The following POGZ variants were observed in gnomAD, a reference collection of about 807,000 sequenced individuals.
POGZ encodes the protein pogo transposable element derived with ZNF domain.
A neutral mutation model predicts 134.6 loss-of-function variants in POGZ; 17 were observed. That is an observed-to-expected ratio of 0.13 (90% CI 0.09 to 0.19). POGZ has a LOEUF of 0.19. Ranked by LOEUF, POGZ falls within the 10% of genes least tolerant of loss-of-function variation. The probability of loss-of-function intolerance (pLI) is 1.00; values close to 1 mark genes in which losing one functional copy is unlikely to be tolerated. For synonymous variants in POGZ, 693 were observed against 657.1 expected, an observed-to-expected ratio of 1.05 and a Z score of -0.84; for missense variants, 1,306 against 1,769.7, an observed-to-expected ratio of 0.74 and a Z score of 4.70.
chr1:151,437,050 C>T (rs946075069), intron 3 of POGZ, among the ~76,000 whole-genome samples: 2 of 151,928 alleles, frequency 1.3e-5, no homozygotes, highest in Non-Finnish European at 2.9e-5. Context: ...AAAAGTTAGC[C>T]GGGTGTGGTG....
At chr1:151,453,428 A>T (rs1040219094) in intron 1 of POGZ, among the ~76,000 whole-genome samples, 1 of 151,886 alleles carries the variant, frequency 6.6e-6, no homozygotes, top group African/African-American at 2.4e-5. Context: ...GCTTGTATAT[A>T]TACATTTCTC....
At chr1:151,419,683 A>C (rs1571406822) in intron 10 of POGZ, among the ~76,000 whole-genome samples, 1 of 148,300 alleles carries the variant, frequency 6.7e-6, no homozygotes, top group South Asian at 2.1e-4. Context: ...AAAAAAAAAA[A>C]AAAAAAAAAA....
intron 1 of POGZ, among the ~76,000 whole-genome samples, chr1:151,447,144 G>A (rs1571564857): frequency 1.3e-5 from 2 of 152,016 alleles, no homozygotes; most frequent in Admixed American, 6.5e-5. Context: ...CTAGCACTTC[G>A]GGAGGCTAAG....
rs1557873791 is a variant in POGZ at position 151,408,734 on chromosome 1, C to T, written c.2021G>A (p.Arg674His). Residue 674 changes from arginine to histidine, a missense_variant, in exon 13 of 19, where the codon CGT becomes CAT. This residue lies in a region of POGZ where 149 missense variants were observed against 237.5 expected (regional missense o/e 0.63). Transcript: ENST00000271715. ...CAAGCCCTCCAGCTGCTTGGGTTTA[C>T]GGAAGGTTTTATGGTGTTGAAGCTT... ...EHKLQHHKTF[R>H]KPKQLEGLKP... is the part of the protein sequence containing the mutation. The T allele has an allele frequency of 5.6e-6, 9 of 1,614,026 alleles. No individual in the cohort carries two copies. Among genetic ancestry groups the T allele is most frequent in the East Asian group, 2.2e-5 (1 of 44,884 alleles).
At chr1:151,454,218 C>T (rs1662495879) in intron 1 of POGZ, among the ~76,000 whole-genome samples, 1 of 152,114 alleles carries the variant, frequency 6.6e-6, no homozygotes, top group South Asian at 2.1e-4. Flanking sequence ...AGAAAACAAA[C>T]ATTTTAAGAA....
chr1:151,452,767 G>A (rs1003771616), intron 1 of POGZ, among the ~76,000 whole-genome samples: 1 of 151,664 alleles, frequency 6.6e-6, no homozygotes, highest in Admixed American at 6.7e-5. Context: ...GGAAGGCTGA[G>A]GCAGGATAAT....
chr1:151,449,921 T>C (rs1391144136), intron 1 of POGZ, among the ~76,000 whole-genome samples: 11 of 152,078 alleles, frequency 7.2e-5, no homozygotes, highest in East Asian at 1.9e-4. Context: ...AAGGTTCTTA[T>C]GAATTATTCA....
At chr1:151,437,396 T>G (rs1024702811) in intron 3 of POGZ, among the ~76,000 whole-genome samples, 1 of 152,210 alleles carries the variant, frequency 6.6e-6, no homozygotes, top group Admixed American at 6.5e-5. Flanking sequence ...TTTTTTTAAT[T>G]TTAAATTTCT....
chr1:151,434,293 T>C (rs1659215458), intron 3 of POGZ, among the ~76,000 whole-genome samples: 1 of 151,976 alleles, frequency 6.6e-6, no homozygotes, highest in African/African-American at 2.4e-5. Flanking sequence ...GGCAACAGTG[T>C]GAGTCTCAGT....
chr1:151,437,254 T>C (rs1015568052), intron 3 of POGZ, among the ~76,000 whole-genome samples: 3 of 151,942 alleles, frequency 2.0e-5, no homozygotes, highest in African/African-American at 7.3e-5. Flanking sequence ...AGTTTGTGGT[T>C]TGTCTTCTCC....
intron 15 of POGZ, 32 bp from the exon 16 acceptor site, chr1:151,407,323 G>T: frequency 6.6e-7 from 1 of 1,519,332 alleles, no homozygotes; most frequent in Non-Finnish European, 9.1e-7. Context: ...TATGAGTTAC[G>T]GAGTTCTGCT....
intron 1 of POGZ, among the ~76,000 whole-genome samples, chr1:151,446,382 A>G (rs1459600076): frequency 6.6e-6 from 1 of 151,852 alleles, no homozygotes; most frequent in Non-Finnish European, 1.5e-5. Flanking sequence ...TTAATTTCTC[A>G]TTTTTTATTT....
chr1:151,431,966 C>T (rs899092411), intron 3 of POGZ, among the ~76,000 whole-genome samples: 6 of 152,062 alleles, frequency 3.9e-5, no homozygotes, highest in African/African-American at 1.4e-4. Flanking sequence ...GCCAGGAGCT[C>T]AAGACCAGCC....
At chr1:151,450,252 G>C (rs1290949189) in intron 1 of POGZ, among the ~76,000 whole-genome samples, 2 of 151,800 alleles carry the variant, frequency 1.3e-5, no homozygotes, top group Non-Finnish European at 2.9e-5. Flanking sequence ...GGCTGGTCTT[G>C]AACTCCTGAC....
Position 151,426,224 on chromosome 1 carries a change from T to C in POGZ, c.1079-1163A>G, listed in dbSNP as rs370663395. 7.2e-3 allele frequency: 1,092 copies of C among 152,036 alleles called. 18 individuals carry two copies. The highest frequency in any genetic ancestry group is 0.025 in the African/African-American group (1,044 of 41,428). 9.4% of individuals were successfully genotyped at this position (152,036 alleles called of 1,614,324 possible). On this transcript the variant is annotated intron_variant, in intron 7 of 18. Transcript: ENST00000271715. ...TTTTTTGAGATGGGGTCTTTCTCTGTTGCCCAGACTGGAGTGCAGTGGCAC... is the reference window on the plus strand; with the variant it reads ...TTTTTTGAGATGGGGTCTTTCTCTGCTGCCCAGACTGGAGTGCAGTGGCAC...
rs1658128421 is a variant in POGZ, at chr1:151,428,403, G to C, written c.579C>G (p.Thr193=). ...CTCCAACTGTCGGCTTAACAAACTG[G>C]GTACCTGGGGCTTTAAAAGAGAGAC... is the stretch of plus-strand genomic sequence containing the variant. ...RPITLVPAPG[T]QFVKPTVGVP... Residue 193 remains threonine, a synonymous_variant, in exon 6 of 19, where the codon ACC becomes ACG. Coordinates refer to ENST00000271715, the MANE Select transcript of POGZ (RefSeq NM_015100.4). The C allele has an allele frequency of 4.3e-6, 7 of 1,613,310 alleles. No individual in the cohort carries two copies. Among genetic ancestry groups the C allele is most frequent in the Non-Finnish European group, 5.9e-6 (7 of 1,179,416 alleles).
Position 151,405,217 on chromosome 1 carries a change from T to C in POGZ, c.3818A>G (p.Lys1273Arg), listed in dbSNP as rs562919841. 2 of 1,614,186 alleles carry C rather than the reference T, an allele frequency of 1.2e-6. No individual in the cohort carries two copies. Among genetic ancestry groups the C allele is most frequent in the East Asian group, 2.2e-5 (1 of 44,886 alleles). The change falls in exon 19 of 19, where the codon AAG becomes AGG. Residue 1273 changes from lysine (K) to arginine (R), a missense_variant. Lys to Arg is a conservative substitution (Grantham distance 26). Around this residue, in one of 10 missense-constraint regions of POGZ, gnomAD observed 67 missense variants for 105.8 expected, o/e 0.63. Coordinates refer to ENST00000271715, the MANE Select transcript of POGZ (RefSeq NM_015100.4). The surrounding 1 kb of genome is among the most constrained non-coding windows in gnomAD (Gnocchi z 4.9). ...CTTCCATTTTTTATGCAGGAAGTTC[T>C]TGACAGTTCTTTTGATGCATACATC... The part of the protein sequence containing the change: ...PLDVCIKRTV[K>R]NFLHKKWKEQ...
intron 3 of POGZ, among the ~76,000 whole-genome samples, chr1:151,435,086 A>T (rs966332529): frequency 4.6e-5 from 7 of 152,004 alleles, no homozygotes; most frequent in Non-Finnish European, 8.8e-5. Context: ...TTTTTAACAG[A>T]GACAGGGTTT....
At chr1:151,440,870 T>G in intron 3 of POGZ, 58 bp downstream of exon 3, 1 of 1,479,002 alleles carries the variant, frequency 6.8e-7, no homozygotes, top group South Asian at 1.2e-5. Context: ...CCCTGAGACC[T>G]TTTTTATTCT....
Sources: allele counts gnomAD v4.1 joint callset (sites outside exome capture counted in the v4.1 genomes callset), GRCh38; gene constraint gnomAD v4.1.1; regional missense constraint gnomAD v4.1.1; non-coding constraint Gnocchi (gnomAD v3.1); transcripts MANE v1.5; gene names NCBI Gene and HGNC (gene_info 2026-07-23, HGNC 2026-07-21).